Variants in MGAT4C observed in about 807,000 individuals in gnomAD.
MGAT4C encodes MGAT4 family member C.
A neutral mutation model predicts 40.1 loss-of-function variants in MGAT4C; 19 were observed. The ratio of observed to expected loss-of-function variants is 0.47; its 90% CI spans 0.33 to 0.70. The LOEUF (loss-of-function observed/expected upper bound fraction) is 0.70, where lower values mean the gene tolerates loss of function less well. Ranked by LOEUF, MGAT4C falls within the 30% of genes least tolerant of loss-of-function variation. The pLI is 0.02. For synonymous variants in MGAT4C, 181 were observed against 187.1 expected, an observed-to-expected ratio of 0.97 and a Z score of 0.27; for missense variants, 491 against 563.2, an observed-to-expected ratio of 0.87 and a Z score of 1.30.
At chr12:86,119,005 G>A (rs915767660) in intron 1 of MGAT4C, among the ~76,000 whole-genome samples, 1 of 152,002 alleles carries the variant, frequency 6.6e-6, no homozygotes, top group African/African-American at 2.4e-5. Flanking sequence ...TCTAAGAGTT[G>A]ACTGTGAAAA....
At chr12:86,111,298 A>T (rs1322074094) in intron 1 of MGAT4C, among the ~76,000 whole-genome samples, 1 of 151,836 alleles carries the variant, frequency 6.6e-6, no homozygotes, top group Admixed American at 6.6e-5. Context: ...ATTTGTCAGG[A>T]TTTCATAATC....
At chr12:86,336,617 T>A (rs567249720) in intron 3 of MGAT4C, among the ~76,000 whole-genome samples, 1 of 152,090 alleles carries the variant, frequency 6.6e-6, no homozygotes, top group African/African-American at 2.4e-5. Flanking sequence ...ATAGAGGAAA[T>A]ATCATCAAAG....
chr12:86,169,992 G>A (rs948632178), intron 1 of MGAT4C, among the ~76,000 whole-genome samples: 17 of 152,166 alleles, frequency 1.1e-4, no homozygotes, highest in African/African-American at 3.6e-4. Flanking sequence ...AAGCATGTGC[G>A]ATTTATTACC....
intron 3 of MGAT4C, among the ~76,000 whole-genome samples, chr12:86,388,542 T>C (rs752294159): frequency 1.3e-5 from 2 of 152,110 alleles, no homozygotes; most frequent in Non-Finnish European, 2.9e-5. Flanking sequence ...CATAGGCCAA[T>C]TAAATTTATC....
At chr12:86,436,299 T>C (rs1957136454) in intron 2 of MGAT4C, among the ~76,000 whole-genome samples, 1 of 151,880 alleles carries the variant, frequency 6.6e-6, no homozygotes, top group Non-Finnish European at 1.5e-5. Flanking sequence ...CAATTTATGA[T>C]TGTAGAAATC....
intron 2 of MGAT4C, among the ~76,000 whole-genome samples, chr12:86,030,987 C>A (rs531045429): frequency 6.6e-6 from 1 of 151,798 alleles, no homozygotes; most frequent in Non-Finnish European, 1.5e-5. Context: ...TAGTCACCAA[C>A]AAAAGCATAA....
chr12:86,280,324 G>A (rs1470555970), intron 4 of MGAT4C, among the ~76,000 whole-genome samples: 1 of 151,860 alleles, frequency 6.6e-6, no homozygotes, highest in Non-Finnish European at 1.5e-5. Context: ...GTTCTCCAGT[G>A]TTGGGTGCAT....
At chr12:86,313,922 G>A (rs1332701986) in intron 4 of MGAT4C, among the ~76,000 whole-genome samples, 3 of 152,140 alleles carry the variant, frequency 2.0e-5, no homozygotes, top group African/African-American at 7.2e-5. Context: ...TGAAACTATA[G>A]GGACCTAAGT....
At chr12:86,628,573 G>T (rs1201158213) in intron 2 of MGAT4C, among the ~76,000 whole-genome samples, 1 of 152,210 alleles carries the variant, frequency 6.6e-6, no homozygotes, top group African/African-American at 2.4e-5. Flanking sequence ...CAGGTCAGAA[G>T]AGAGTGAGAG....
intron 2 of MGAT4C, among the ~76,000 whole-genome samples, chr12:86,663,913 T>C (rs1229591400): frequency 6.6e-6 from 1 of 152,196 alleles, no homozygotes; most frequent in Non-Finnish European, 1.5e-5. Context: ...AACACTGAAG[T>C]TCAAATTATT....
chr12:86,010,008 T>A (rs1384823496), intron 2 of MGAT4C, among the ~76,000 whole-genome samples: 1 of 152,156 alleles, frequency 6.6e-6, no homozygotes, highest in African/African-American at 2.4e-5. Context: ...TTCAGAAAAA[T>A]CACTCGATCA....
intron 1 of MGAT4C, among the ~76,000 whole-genome samples, chr12:86,787,295 C>A (rs1951946366): frequency 6.6e-6 from 1 of 150,416 alleles, no homozygotes; most frequent in Non-Finnish European, 1.5e-5. Flanking sequence ...CAAGTTCCAT[C>A]CACATTGCCT....
At chr12:86,435,733 C>T (rs986925988) in intron 2 of MGAT4C, among the ~76,000 whole-genome samples, 4 of 151,818 alleles carry the variant, frequency 2.6e-5, no homozygotes, top group African/African-American at 9.7e-5. Flanking sequence ...ATAATGCTTA[C>T]AACACACCCC....
At chr12:86,490,687 C>T (rs1238209316) in intron 2 of MGAT4C, among the ~76,000 whole-genome samples, 1 of 151,894 alleles carries the variant, frequency 6.6e-6, no homozygotes, top group East Asian at 1.9e-4. Context: ...CAGAGACACA[C>T]ATAGGCTCAA....
At chr12:86,654,439 C>A (rs371683847) in intron 2 of MGAT4C, among the ~76,000 whole-genome samples, 1 of 151,396 alleles carries the variant, frequency 6.6e-6, no homozygotes, top group Non-Finnish European at 1.5e-5. Flanking sequence ...GAAACATGCA[C>A]GATCAGCAAC....
At chr12:86,710,074 A>G (rs1950530912) in intron 2 of MGAT4C, among the ~76,000 whole-genome samples, 2 of 152,150 alleles carry the variant, frequency 1.3e-5, no homozygotes, top group Non-Finnish European at 2.9e-5. Flanking sequence ...TTCTACTTCT[A>G]TCCCCATAAA....
rs537661024 is a variant in MGAT4C at position 86,767,809 on chromosome 12, T to C, written c.-261-40568A>G. 3.1e-4 allele frequency among the ~76,000 whole-genome samples: 47 copies of C among 152,212 alleles called. No individual in the cohort carries two copies. In the South Asian group the frequency reaches 9.8e-3, roughly 32 times the overall value. ...GATGCAGAAAAGGCCTTTGACAAAA[T>C]TCAACAACCCTTCATGCTAAAAACT... On this transcript the variant is annotated intron_variant, in intron 1 of 7. Coordinates refer to the MGAT4C transcript ENST00000548651.
intron 1 of MGAT4C, among the ~76,000 whole-genome samples, chr12:86,203,693 C>T (rs1475324210): frequency 6.6e-6 from 1 of 152,096 alleles, no homozygotes; most frequent in Non-Finnish European, 1.5e-5. Context: ...CGTGGTGGCT[C>T]ACGCTTGTAA....
In MGAT4C at chr12:85,979,127, T is replaced by C; in HGVS notation, c.*162A>G. The C allele has an allele frequency of 1.8e-6, 1 of 556,064 alleles. No homozygotes were observed. The highest frequency in any genetic ancestry group is 3.1e-6 in the Non-Finnish European group (1 of 320,678). The allele number at this position is 556,064 out of a possible 1,614,324, so 34.4% of individuals were successfully genotyped here. ...ACGTTAAAATAAATACAAGTGTGTA[T>C]TAAGAGTAAAATTATGTCAACAATG... On this transcript the variant is annotated 3_prime_UTR_variant, in exon 5 of 5. Coordinates refer to ENST00000611864, the MANE Select transcript of MGAT4C (RefSeq NM_001351288.2).
Sources: gnomAD v4.1 joint callset for allele counts (sites outside exome capture counted in the v4.1 genomes callset) on GRCh38, gnomAD v4.1.1 for gene constraint, MANE v1.5 for transcripts, NCBI Gene and HGNC (gene_info 2026-07-23, HGNC 2026-07-21) for gene names.